ZNF454: variants seen among roughly 807,000 people sequenced by gnomAD.
The protein encoded by ZNF454 is zinc finger protein 454.
ZNF454 carries 30 observed loss-of-function variants against 48.2 expected under a neutral mutation model. The observed-to-expected ratio is 0.62, with a 90% CI of 0.47 to 0.84. The LOEUF is 0.84. Ranked by LOEUF, ZNF454 falls within the 40% of genes least tolerant of loss-of-function variation. The pLI is 0.00. For missense variants in ZNF454, 510 were observed against 623.1 expected, an observed-to-expected ratio of 0.82 and a Z score of 1.93; for synonymous variants, 204 against 211.4, an observed-to-expected ratio of 0.97 and a Z score of 0.30.
chr5:178,983,264 A>T, the ZNF454 span: 1 of 1,549,790 alleles, frequency 6.5e-7, no homozygotes, highest in South Asian at 1.1e-5. Flanking sequence ...CTTTCCAGGG[A>T]CAAATCCATT....
chr5:178,988,915 G>A, the ZNF454 span: 5 of 1,600,196 alleles, frequency 3.1e-6, no homozygotes, highest in South Asian at 1.1e-5. The surrounding 1 kb of genome is among the most constrained non-coding windows in gnomAD (Gnocchi z 6.0). Flanking sequence ...ACTGCTGCAG[G>A]GGGGCAGGCA....
At chr5:178,961,726 A>C (rs1760019537) in intron 4 of ZNF454, among the ~76,000 whole-genome samples, 1 of 151,166 alleles carries the variant, frequency 6.6e-6, no homozygotes, top group Non-Finnish European at 1.5e-5. Flanking sequence ...AGGCTGAGGC[A>C]GGAGAATCGC....
Position 178,942,955 on chromosome 5 carries a change from A to G in ZNF454, c.33+131A>G, listed in dbSNP as rs1016103428. ...CACTGACCTCAGTTGCCTCTCCCCA[A>G]CCAACACCCTCCAACCCCGCCCCAT... is the stretch of plus-strand genomic sequence containing the variant. On this transcript the variant is annotated intron_variant, in intron 2 of 4. Coordinates refer to ENST00000519564, the MANE Select transcript of ZNF454 (RefSeq NM_001178089.3). 39 of 982,366 alleles carry G rather than the reference A, an allele frequency of 4.0e-5. No individual in the cohort carries two copies. In the East Asian group the frequency reaches 8.6e-4, roughly 22 times the overall value. 60.9% of individuals were successfully genotyped at this position (982,366 alleles called of 1,614,324 possible).
At chr5:178,959,932 C>A (rs1021765109) in intron 4 of ZNF454, among the ~76,000 whole-genome samples, 1 of 147,230 alleles carries the variant, frequency 6.8e-6, no homozygotes, top group African/African-American at 2.5e-5. Context: ...TTCTTTTTTT[C>A]TTTCTTTTCT....
downstream of ZNF454, among the ~76,000 whole-genome samples, chr5:178,968,136 C>CACACACACAG (rs1256823507): frequency 1.3e-5 from 2 of 150,670 alleles, no homozygotes; most frequent in Non-Finnish European, 3.0e-5. Context: ...CACACACACA[C>CACACACACAG]ACACAGCCTC....
At chr5:178,988,993 C>T in the ZNF454 span, 30 of 1,613,968 alleles carry the variant, frequency 1.9e-5, 1 homozygote, top group Admixed American at 3.3e-5. The surrounding 1 kb of genome is among the most constrained non-coding windows in gnomAD (Gnocchi z 6.0). Flanking sequence ...TGGGTTCCAT[C>T]GCCGGGCACA....
chr5:178,942,249 A>G (rs1189630326), intron 1 of ZNF454, among the ~76,000 whole-genome samples: 2 of 152,134 alleles, frequency 1.3e-5, no homozygotes, highest in African/African-American at 4.8e-5. Flanking sequence ...TACTAAAAAT[A>G]TAAAAAATTA....
the ZNF454 span, chr5:178,981,323 A>G: frequency 3.4e-6 from 1 of 291,332 alleles, no homozygotes; most frequent in Non-Finnish European, 6.5e-6. This position sits in a 1 kb window ranked among gnomAD's most constrained non-coding sequence, Gnocchi z 5.1. Context: ...TCTCCCGCAA[A>G]CCAGGCAAAG....
rs1233465080 is a variant in ZNF454 at position 178,965,727 on chromosome 5, A to G, written c.1323A>G (p.Thr441=). The change falls in exon 5 of 5, where the codon ACA becomes ACG. Residue 441 remains threonine (T), a synonymous_variant. Transcript: ENST00000519564. The surrounding 1 kb of genome is among the most constrained non-coding windows in gnomAD (Gnocchi z 5.2). ...TTCATACTGGGGAAAAACCTTATAC[A>G]TGTAACATATGTGAAAAAGCCTTCA... is the stretch of plus-strand genomic sequence containing the variant. ...QRIHTGEKPY[T]CNICEKAFSD... 1.9e-6 allele frequency: 3 copies of G among 1,614,190 alleles called. No individual in the cohort carries two copies. Among genetic ancestry groups the G allele is most frequent in the South Asian group, 2.2e-5 (2 of 91,074 alleles).
chr5:178,976,586 G>A, the ZNF454 span, among the ~76,000 whole-genome samples: 8 of 152,276 alleles, frequency 5.3e-5, no homozygotes, highest in East Asian at 1.4e-3. Flanking sequence ...TCAATGGTAG[G>A]CTAATGGGGC....
intron 4 of ZNF454, among the ~76,000 whole-genome samples, chr5:178,955,375 C>T (rs1759706702): frequency 6.6e-6 from 1 of 152,134 alleles, no homozygotes; most frequent in Non-Finnish European, 1.5e-5. Flanking sequence ...GAAGTTTATG[C>T]CCATTTCTGG....
chr5:178,945,338 G>A (rs2113182491), intron 2 of ZNF454, among the ~76,000 whole-genome samples: 1 of 151,418 alleles, frequency 6.6e-6, no homozygotes, highest in South Asian at 2.1e-4. Context: ...GTGTTTGTAT[G>A]TGGGTGTATG....
At chr5:178,964,411 C>A (rs1025706052) in intron 4 of ZNF454, among the ~76,000 whole-genome samples, 12 of 152,172 alleles carry the variant, frequency 7.9e-5, no homozygotes, top group African/African-American at 2.9e-4. Context: ...TGAGCCACAA[C>A]GCCCAGCCAC....
chr5:178,952,100 C>T (rs1203386719), intron 4 of ZNF454, among the ~76,000 whole-genome samples: 1 of 150,208 alleles, frequency 6.7e-6, no homozygotes, highest in Non-Finnish European at 1.5e-5. Flanking sequence ...TGCTGTGGCG[C>T]GATCTCGGCT....
In ZNF454 at chr5:178,965,119, A is replaced by G; in HGVS notation, c.715A>G (p.Thr239Ala). The change falls in exon 5 of 5, where the codon ACT (threonine) becomes GCT (alanine). Residue 239 changes from threonine to alanine, a missense_variant. Physicochemically the swap from Thr to Ala is moderately conservative, Grantham distance 58 (BLOSUM62 0). This residue lies in a region of ZNF454 where 354 missense variants were observed against 408.9 expected (regional missense o/e 0.87). Transcript: ENST00000519564. This position sits in a 1 kb window ranked among gnomAD's most constrained non-coding sequence, Gnocchi z 5.2. ...CCTTATCCATCACCAAAGAATTCAC[A>G]CTGGCGAGAAACCCTATGAATGTAA... ...THLIHHQRIH[T>A]GEKPYECKEC... 3 of 1,614,222 alleles carry G rather than the reference A, an allele frequency of 1.9e-6. No individual in the cohort carries two copies. Among genetic ancestry groups the G allele is most frequent in the Non-Finnish European group, 2.5e-6 (3 of 1,180,050 alleles).
the ZNF454 span, chr5:178,985,716 A>C: frequency 9.7e-6 from 4 of 410,640 alleles, no homozygotes; most frequent in Middle Eastern, 3.7e-4. Context: ...AAAAAAAAAC[A>C]AAACAACACA....
chr5:178,951,228 C>T (rs1759546981), intron 4 of ZNF454, among the ~76,000 whole-genome samples: 1 of 152,118 alleles, frequency 6.6e-6, no homozygotes, highest in Non-Finnish European at 1.5e-5. Context: ...TTCTTTGTTT[C>T]ACTATAAAAT....
chr5:178,972,822 C>T, the ZNF454 span, among the ~76,000 whole-genome samples: 7 of 152,054 alleles, frequency 4.6e-5, no homozygotes, highest in Admixed American at 1.3e-4. Context: ...ACCCCGAGGA[C>T]CTGTTTCACT....
At chr5:178,983,108 CAT>C in the ZNF454 span, 2 of 1,614,022 alleles carry the variant, frequency 1.2e-6, no homozygotes, top group Non-Finnish European at 1.7e-6. Flanking sequence ...ACAGATCCGA[CAT>C]GTCGCACTTG....
Sources: gnomAD v4.1 joint callset for allele counts (sites outside exome capture counted in the v4.1 genomes callset) on GRCh38, gnomAD v4.1.1 for gene constraint, gnomAD v4.1.1 regional missense constraint, Gnocchi (gnomAD v3.1) non-coding constraint, MANE v1.5 for transcripts, NCBI Gene and HGNC (gene_info 2026-07-23, HGNC 2026-07-21) for gene names.